Variants in CIMAP2 observed in about 807,000 individuals in gnomAD.
CIMAP2 encodes ciliary microtubule-associated protein 2.
chr1:54,832,756 A>T, the CIMAP2 span, among the ~76,000 whole-genome samples: 1 of 152,162 alleles, frequency 6.6e-6, no homozygotes, highest in South Asian at 2.1e-4. Flanking sequence ...GGCTGGATGC[A>T]GTGGCTTACA....
chr1:54,820,936 T>G, the CIMAP2 span, among the ~76,000 whole-genome samples: 1 of 152,054 alleles, frequency 6.6e-6, no homozygotes, highest in Non-Finnish European at 1.5e-5. Context: ...CCCCGGCTAA[T>G]TTTTGTATTT....
the CIMAP2 span, among the ~76,000 whole-genome samples, chr1:54,822,150 G>A: frequency 6.2e-4 from 92 of 147,518 alleles, 14 homozygotes; most frequent in African/African-American, 2.0e-3. Context: ...CGCCCGCCTC[G>A]GCCTCCCAAA....
the CIMAP2 span, among the ~76,000 whole-genome samples, chr1:54,827,633 A>G: frequency 1.3e-5 from 2 of 152,186 alleles, no homozygotes; most frequent in Admixed American, 1.3e-4. Context: ...ATGAGGGTAA[A>G]CTAATAATCA....
the CIMAP2 span, chr1:54,811,765 G>GCCGGGGGGGGGCGGCCCCCCCCCC: frequency 7.7e-7 from 1 of 1,301,326 alleles, no homozygotes; most frequent in Non-Finnish European, 1.1e-6. Context: ...GGTTCTGACA[G>GCCGGGGGGGGGCGGCCCCCCCCCC]CCTCCATGCC....
chr1:54,812,229 A>G, the CIMAP2 span: 227 of 1,611,782 alleles, frequency 1.4e-4, no homozygotes, highest in Non-Finnish European at 1.8e-4. Context: ...TCCATGCCCC[A>G]GCAGGATGAC....
chr1:54,808,615 G>GGGGT, the CIMAP2 span, among the ~76,000 whole-genome samples: 2 of 138,720 alleles, frequency 1.4e-5, 1 homozygote, highest in Non-Finnish European at 3.2e-5. Context: ...GTGCTGCCGG[G>GGGGT]GGAGGGCAGT....
the CIMAP2 span, among the ~76,000 whole-genome samples, chr1:54,826,342 A>C: frequency 6.6e-6 from 1 of 152,160 alleles, no homozygotes; most frequent in Non-Finnish European, 1.5e-5. Context: ...CCCAGGGTGT[A>C]GGACACTGCA....
chr1:54,808,762 A>C, the CIMAP2 span, among the ~76,000 whole-genome samples: 1 of 152,132 alleles, frequency 6.6e-6, no homozygotes, highest in East Asian at 1.9e-4. Flanking sequence ...TCAGGAGGAC[A>C]CTGAGTGAGG....
At chr1:54,811,765 G>GCGGGGGGGGGGCCCCCCC in the CIMAP2 span, 1 of 1,301,326 alleles carries the variant, frequency 7.7e-7, no homozygotes, top group African/African-American at 1.5e-5. Context: ...GGTTCTGACA[G>GCGGGGGGGGGGCCCCCCC]CCTCCATGCC....
chr1:54,827,177 A>G, the CIMAP2 span, among the ~76,000 whole-genome samples: 1 of 152,228 alleles, frequency 6.6e-6, no homozygotes, highest in African/African-American at 2.4e-5. Context: ...ACTTGCCTAA[A>G]GCCACACAGC....
At chr1:54,826,690 G>T in the CIMAP2 span, among the ~76,000 whole-genome samples, 1 of 152,236 alleles carries the variant, frequency 6.6e-6, no homozygotes, top group Non-Finnish European at 1.5e-5. Context: ...AGGAGCCTGT[G>T]CGGGGAATGT....
At chr1:54,811,765 G>GCCGGCGGGGGCCCCCCCCCCCCCCC in the CIMAP2 span, 1 of 1,301,332 alleles carries the variant, frequency 7.7e-7, no homozygotes, top group Non-Finnish European at 1.1e-6. Flanking sequence ...GGTTCTGACA[G>GCCGGCGGGGGCCCCCCCCCCCCCCC]CCTCCATGCC....
the CIMAP2 span, among the ~76,000 whole-genome samples, chr1:54,824,936 T>C: frequency 1.0e-3 from 156 of 151,536 alleles, no homozygotes; most frequent in Non-Finnish European, 2.0e-3. Flanking sequence ...GGAGGTATGA[T>C]GTTTCCTTGC....
the CIMAP2 span, chr1:54,811,968 C>G: frequency 1.2e-6 from 2 of 1,614,112 alleles, no homozygotes; most frequent in African/African-American, 1.3e-5. Flanking sequence ...CCTGCCTTCC[C>G]GTCCTGCAGG....
At chr1:54,820,086 C>T in the CIMAP2 span, among the ~76,000 whole-genome samples, 7,430 of 59,414 alleles carry the variant, frequency 0.13, 994 homozygotes, top group African/African-American at 0.34. Flanking sequence ...CCTTCCTTCC[C>T]TCCTTCTTTC....
chr1:54,833,841 CT>C, the CIMAP2 span, among the ~76,000 whole-genome samples: 29,837 of 150,578 alleles, frequency 0.2, 3,049 homozygotes, highest in East Asian at 0.34. Context: ...ATGATTTGTT[CT>C]TTTTTTTTTA....
At chr1:54,811,763 C>CCGCGGGGGGGGGGGGG in the CIMAP2 span, 1 of 1,280,766 alleles carries the variant, frequency 7.8e-7, no homozygotes, top group Non-Finnish European at 1.1e-6. Flanking sequence ...GTGGTTCTGA[C>CCGCGGGGGGGGGGGGG]AGCCTCCATG....
At chr1:54,809,050 T>C in the CIMAP2 span, among the ~76,000 whole-genome samples, 1 of 18,086 alleles carries the variant, frequency 5.5e-5, no homozygotes, top group African/African-American at 1.5e-4. Context: ...TGCAGCACTC[T>C]GAGGTTCTTG....
the CIMAP2 span, among the ~76,000 whole-genome samples, chr1:54,825,351 G>A: frequency 6.6e-6 from 1 of 151,936 alleles, no homozygotes; most frequent in Non-Finnish European, 1.5e-5. Flanking sequence ...ACGCCCGGTG[G>A]GAATTACCTT....
Sources: allele counts gnomAD v4.1 joint callset (sites outside exome capture counted in the v4.1 genomes callset), GRCh38; gene constraint gnomAD v4.1.1; transcripts MANE v1.5; gene names NCBI Gene and HGNC (gene_info 2026-07-23, HGNC 2026-07-21).